TMEM108: variants seen among roughly 807,000 people sequenced by gnomAD.
TMEM108 encodes cancer/testis antigen 124.
Under a neutral mutation model 35.1 loss-of-function variants are expected in TMEM108, and 12 were observed. The ratio of observed to expected loss-of-function variants is 0.34; its 90% CI spans 0.22 to 0.55. TMEM108 has a LOEUF of 0.55. TMEM108 is among the 20% of genes least tolerant of loss of function. TMEM108 has a pLI of 0.89. For missense variants in TMEM108, 680 were observed against 753.3 expected (o/e 0.90, Z 1.14); for synonymous variants, 287 against 308.6 (o/e 0.93, Z 0.73).
intron 2 of TMEM108, among the ~76,000 whole-genome samples, chr3:133,149,425 C>T (rs1944765949): frequency 6.6e-6 from 1 of 152,084 alleles, no homozygotes. Flanking sequence ...TTATAATTAA[C>T]TATAGTTACT....
intron 2 of TMEM108, among the ~76,000 whole-genome samples, chr3:133,057,479 A>ATATATATC (rs1559818494): frequency 6.8e-5 from 5 of 73,144 alleles, no homozygotes; most frequent in African/African-American, 2.0e-4. Flanking sequence ...ATATATATAT[A>ATATATATC]TATATATGTG....
intron 3 of TMEM108, among the ~76,000 whole-genome samples, chr3:133,351,318 T>G (rs2071990252): frequency 6.6e-6 from 1 of 152,172 alleles, no homozygotes; most frequent in Non-Finnish European, 1.5e-5. Flanking sequence ...CGGCCCTGCT[T>G]ACTTCAAACT....
At chr3:133,075,689 T>C (rs866160025) in intron 2 of TMEM108, among the ~76,000 whole-genome samples, 6 of 151,958 alleles carry the variant, frequency 3.9e-5, no homozygotes, top group African/African-American at 1.2e-4. Context: ...TTCTAACAGG[T>C]GTGAGGTGAT....
intron 2 of TMEM108, among the ~76,000 whole-genome samples, chr3:133,100,507 A>T (rs1281647720): frequency 6.6e-6 from 1 of 152,220 alleles, no homozygotes; most frequent in East Asian, 1.9e-4. Context: ...TGGGAGGCTG[A>T]GGTGGGAGTA....
At chr3:133,294,972 A>G (rs774280273) in intron 3 of TMEM108, among the ~76,000 whole-genome samples, 1 of 152,186 alleles carries the variant, frequency 6.6e-6, no homozygotes, top group Non-Finnish European at 1.5e-5. Context: ...CAGTGGAGAA[A>G]AGTACTTGGG....
chr3:133,148,305 C>T (rs1944750497), intron 2 of TMEM108, among the ~76,000 whole-genome samples: 1 of 152,136 alleles, frequency 6.6e-6, no homozygotes, highest in Non-Finnish European at 1.5e-5. Flanking sequence ...TAAAAGGACA[C>T]AGAAGCCAAT....
chr3:133,213,570 AATG>A (rs142115052), intron 2 of TMEM108, among the ~76,000 whole-genome samples: 1,891 of 152,316 alleles, frequency 0.012, 16 homozygotes, highest in South Asian at 0.024. Flanking sequence ...AGATCTGTCT[AATG>A]ATCTTTTCTT....
intron 4 of TMEM108, chr3:133,388,469 A>G: frequency 1.0e-6 from 1 of 985,468 alleles, no homozygotes; most frequent in Non-Finnish European, 1.2e-6. Flanking sequence ...CATCTGAAGA[A>G]AGGGTTTTTT....
chr3:133,207,898 A>G (rs1945781493), intron 2 of TMEM108, among the ~76,000 whole-genome samples: 1 of 152,222 alleles, frequency 6.6e-6, no homozygotes, highest in Non-Finnish European at 1.5e-5. Context: ...ATCTGTTTGA[A>G]CTAATGAGCT....
chr3:133,172,545 G>C (rs1224698153), intron 2 of TMEM108, among the ~76,000 whole-genome samples: 1 of 152,116 alleles, frequency 6.6e-6, no homozygotes, highest in South Asian at 2.1e-4. Context: ...AATGTTGCAT[G>C]GTGCTTTTGG....
At chr3:133,054,272 T>C (rs1018261960) in intron 2 of TMEM108, among the ~76,000 whole-genome samples, 1 of 152,260 alleles carries the variant, frequency 6.6e-6, no homozygotes, top group African/African-American at 2.4e-5. Context: ...ATCTGTTTTT[T>C]TGAGAAGTCT....
intron 2 of TMEM108, among the ~76,000 whole-genome samples, chr3:133,108,254 A>G (rs1182089773): frequency 2.6e-5 from 4 of 151,782 alleles, no homozygotes; most frequent in Non-Finnish European, 5.9e-5. Context: ...GTTCGTTCCT[A>G]TTTCTCCACA....
At chr3:133,354,470 A>G (rs2072101967) in intron 3 of TMEM108, among the ~76,000 whole-genome samples, 1 of 152,212 alleles carries the variant, frequency 6.6e-6, no homozygotes, top group South Asian at 2.1e-4. Context: ...CTTTGCAGGG[A>G]AGCTTGTTTG....
At chr3:133,159,511 A>C (rs191629373) in intron 2 of TMEM108, among the ~76,000 whole-genome samples, 2 of 152,284 alleles carry the variant, frequency 1.3e-5, no homozygotes, top group East Asian at 3.9e-4. Flanking sequence ...TCTTTCTGGT[A>C]TAATTTTTTC....
intron 3 of TMEM108, among the ~76,000 whole-genome samples, chr3:133,297,492 G>A (rs1046566376): frequency 2.6e-5 from 4 of 152,130 alleles, no homozygotes; most frequent in Non-Finnish European, 5.9e-5. Flanking sequence ...CACTAAACAT[G>A]ATCTAGATGA....
intron 2 of TMEM108, among the ~76,000 whole-genome samples, chr3:133,217,452 T>C (rs1945926075): frequency 6.6e-6 from 1 of 152,076 alleles, no homozygotes; most frequent in Admixed American, 6.6e-5. Flanking sequence ...TTGTTTATTT[T>C]TGCTTTTGTT....
At chr3:133,050,512 A>G (rs1372761783) in intron 2 of TMEM108, among the ~76,000 whole-genome samples, 1 of 152,124 alleles carries the variant, frequency 6.6e-6, no homozygotes, top group Non-Finnish European at 1.5e-5. Flanking sequence ...TTGACACATC[A>G]TAATCACCCA....
chr3:133,112,480 T>C (rs1944237787), intron 2 of TMEM108, among the ~76,000 whole-genome samples: 2 of 152,188 alleles, frequency 1.3e-5, no homozygotes, highest in Non-Finnish European at 2.9e-5. Flanking sequence ...CTTCTATTAT[T>C]ATAAAGAAAC....
At chr3:133,147,714 C>G (rs1291572485) in intron 2 of TMEM108, among the ~76,000 whole-genome samples, 1 of 152,154 alleles carries the variant, frequency 6.6e-6, no homozygotes, top group Non-Finnish European at 1.5e-5. Context: ...TTTAAAGAAT[C>G]TCAATGACCA....
Sources: allele counts gnomAD v4.1 joint callset (sites outside exome capture counted in the v4.1 genomes callset), GRCh38; gene constraint gnomAD v4.1.1; transcripts MANE v1.5; gene names NCBI Gene and HGNC (gene_info 2026-07-23, HGNC 2026-07-21).